PPM1L: variants seen among roughly 807,000 people sequenced by gnomAD.
PPM1L encodes protein phosphatase 1L.
PPM1L carries 13 observed loss-of-function variants against 31.4 expected under a neutral mutation model. The observed-to-expected ratio is 0.41, with a 90% CI of 0.27 to 0.66. The LOEUF (loss-of-function observed/expected upper bound fraction) is 0.66. Ranked by LOEUF, PPM1L falls within the 30% of genes least tolerant of loss-of-function variation. The pLI is 0.29. For missense variants in PPM1L, 326 were observed against 453.7 expected (o/e 0.72, Z 2.56); for synonymous variants, 184 against 175.4 (o/e 1.05, Z -0.39).
intron 2 of PPM1L, among the ~76,000 whole-genome samples, chr3:161,032,217 G>GT: frequency 6.6e-6 from 1 of 152,282 alleles, no homozygotes; most frequent in East Asian, 1.9e-4. Flanking sequence ...ATTCTATTCT[G>GT]TTAGGGTTAG....
chr3:160,822,400 G>A (rs1407146458), intron 1 of PPM1L, among the ~76,000 whole-genome samples: 6 of 151,568 alleles, frequency 4.0e-5, no homozygotes, highest in Admixed American at 6.6e-5. Flanking sequence ...TCATGATTAC[G>A]GTCCTTGAAG....
At chr3:160,957,723 C>T (rs1177755288) in intron 1 of PPM1L, among the ~76,000 whole-genome samples, 2 of 151,950 alleles carry the variant, frequency 1.3e-5, no homozygotes, top group Admixed American at 6.6e-5. Context: ...ACTACAGGTG[C>T]CCGTCACCAC....
rs565371813 is a variant in PPM1L, at chr3:161,035,816, A to G, written c.575-29587A>G. ...AAGGACATTCTTGGGGTTTGAACAC[A>G]TTGTTTCTTTTTTGCAGTGCTTTTC... On this transcript the variant is annotated intron_variant, in intron 2 of 3. Transcript: ENST00000498165. The G allele has an allele frequency of 2.0e-5, 3 of 152,348 alleles. No homozygotes were observed. In the East Asian group the frequency reaches 5.8e-4, roughly 29 times the overall value. 9.4% of individuals were successfully genotyped at this position (152,348 alleles called of 1,614,324 possible).
intron 2 of PPM1L, among the ~76,000 whole-genome samples, chr3:161,059,785 G>C (rs180711857): frequency 6.6e-6 from 1 of 152,166 alleles, no homozygotes; most frequent in East Asian, 1.9e-4. Context: ...TGCTGTTCTT[G>C]TGATAGTGAG....
rs957318034 is a variant in PPM1L at position 160,953,228 on chromosome 3, A to T, written c.400-8508A>T. ...TTCTTGGTTTAAAAAATATCTTCTA[A>T]ATAAGAATTTATTGAGTATAGAGGC... is the stretch of plus-strand genomic sequence containing the variant. On this transcript the variant is annotated intron_variant, in intron 1 of 3. Coordinates refer to ENST00000498165, the MANE Select transcript of PPM1L (RefSeq NM_139245.4). Among the ~76,000 whole-genome samples the T allele has an allele frequency of 2.7e-4, 41 of 152,274 alleles. 1 individual carries two copies. Among genetic ancestry groups the T allele is most frequent in the African/African-American group, 9.6e-4 (40 of 41,556 alleles).
At chr3:160,963,629 A>G (rs1716038360) in intron 2 of PPM1L, among the ~76,000 whole-genome samples, 2 of 152,090 alleles carry the variant, frequency 1.3e-5, no homozygotes, top group Admixed American at 1.3e-4. Context: ...ACCTTGAAGG[A>G]CAAATGGTGG....
intron 1 of PPM1L, among the ~76,000 whole-genome samples, chr3:160,784,865 G>A (rs544965752): frequency 6.6e-6 from 1 of 152,284 alleles, no homozygotes; most frequent in East Asian, 1.9e-4. Context: ...TTGAAGGAGG[G>A]GAGGTTGAAG....
At chr3:160,862,870 ATACCTCTC>A (rs1248045175) in intron 1 of PPM1L, among the ~76,000 whole-genome samples, 1 of 152,192 alleles carries the variant, frequency 6.6e-6, no homozygotes, top group African/African-American at 2.4e-5. Flanking sequence ...AGTGTAAAGA[ATACCTCTC>A]AGTTTAATTT....
At chr3:160,966,305 T>A (rs1716141072) in intron 2 of PPM1L, among the ~76,000 whole-genome samples, 1 of 152,152 alleles carries the variant, frequency 6.6e-6, no homozygotes, top group Non-Finnish European at 1.5e-5. Context: ...TGAACAGAAA[T>A]ATGTAGAACA....
rs1275609789 is a variant in PPM1L, at chr3:161,033,450, G to A, written c.575-31953G>A. 2.0e-5 allele frequency among the ~76,000 whole-genome samples: 3 copies of A among 152,056 alleles called. No individual in the cohort carries two copies. The East Asian group carries it at 5.8e-4, about 29-fold the overall frequency. The stretch of plus-strand genomic sequence containing the variant: ...ACCTGACTTCAAACTATACTACAAG[G>A]CTACGATAACCAAAACAGCATGGTA... On this transcript the variant is annotated intron_variant, in intron 2 of 3. Transcript: ENST00000498165.
chr3:161,050,962 A>C (rs1308920627), intron 2 of PPM1L, among the ~76,000 whole-genome samples: 2 of 152,118 alleles, frequency 1.3e-5, no homozygotes, highest in East Asian at 3.9e-4. Flanking sequence ...CCTCTCTTAA[A>C]AGTTGCTCCT....
At chr3:161,010,026 T>C (rs1416054227) in intron 2 of PPM1L, among the ~76,000 whole-genome samples, 2 of 152,188 alleles carry the variant, frequency 1.3e-5, no homozygotes, top group African/African-American at 4.8e-5. Flanking sequence ...ACTTATACTT[T>C]AAGTTCTAGG....
In PPM1L at chr3:160,756,703, G is replaced by GA; in HGVS notation, c.396dup (p.Glu133ArgfsTer5). 6.2e-7 allele frequency: 1 copy of GA among 1,613,368 alleles called. No individual in the cohort carries two copies. The highest frequency in any genetic ancestry group is 8.5e-7 in the Non-Finnish European group (1 of 1,179,776). ...TTCGGGATCTTCGACGGGCACGGGGGAGAGGTAGGAGCTACCCCGGGGCTT... is the reference window on the plus strand; with the variant it reads ...TTCGGGATCTTCGACGGGCACGGGGGAAGAGGTAGGAGCTACCCCGGGGCTT... On this transcript the variant is annotated frameshift_variant, in exon 1 of 4. Transcript: ENST00000498165. LOFTEE classifies it high-confidence loss of function. This position sits in a 1 kb window ranked among gnomAD's most constrained non-coding sequence, Gnocchi z 6.2.
intron 1 of PPM1L, among the ~76,000 whole-genome samples, chr3:160,857,514 C>G (rs534090186): frequency 2.6e-5 from 4 of 152,194 alleles, no homozygotes; most frequent in South Asian, 2.1e-4. Context: ...GTCTTTTTGT[C>G]TTGTGGCTGG....
intron 2 of PPM1L, among the ~76,000 whole-genome samples, chr3:160,991,071 T>G (rs1359741082): frequency 4.3e-5 from 6 of 138,270 alleles, no homozygotes; most frequent in African/African-American, 1.6e-4. Context: ...TAATGATAGC[T>G]GATGAGCTAA....
intron 1 of PPM1L, among the ~76,000 whole-genome samples, chr3:160,934,567 T>C (rs1011666777): frequency 6.6e-6 from 1 of 152,230 alleles, no homozygotes; most frequent in Non-Finnish European, 1.5e-5. Flanking sequence ...GGTTCTGTAA[T>C]GATATACATC....
intron 1 of PPM1L, among the ~76,000 whole-genome samples, chr3:160,887,952 G>T (rs1275052105): frequency 6.6e-6 from 1 of 152,088 alleles, no homozygotes; most frequent in Non-Finnish European, 1.5e-5. Flanking sequence ...AAGTGAAGGG[G>T]AAATAAAATT....
intron 1 of PPM1L, among the ~76,000 whole-genome samples, chr3:160,862,670 A>ACACG (rs1711940052): frequency 7.1e-6 from 1 of 140,896 alleles, no homozygotes; most frequent in African/African-American, 2.9e-5. Flanking sequence ...ACGCACACAC[A>ACACG]CACACACACA....
At chr3:161,068,522 G>T (rs1019370847) in intron 3 of PPM1L, among the ~76,000 whole-genome samples, 2 of 152,102 alleles carry the variant, frequency 1.3e-5, no homozygotes, top group Admixed American at 6.5e-5. Context: ...GAGCCACCAC[G>T]GTGTTAAGTT....
Sources: gnomAD v4.1 joint callset for allele counts (sites outside exome capture counted in the v4.1 genomes callset) on GRCh38, gnomAD v4.1.1 for gene constraint, Gnocchi (gnomAD v3.1) non-coding constraint, MANE v1.5 for transcripts, NCBI Gene and HGNC (gene_info 2026-07-23, HGNC 2026-07-21) for gene names.